The following TTC34 variants were observed in gnomAD, a reference collection of about 807,000 sequenced individuals.
The protein encoded by TTC34 is tetratricopeptide repeat domain 34.
A neutral mutation model predicts 40.7 loss-of-function variants in TTC34; 44 were observed. The observed-to-expected ratio is 1.08, with a 90% confidence interval of 0.85 to 1.39. The LOEUF is 1.39. Among genes scored for constraint, TTC34 ranks in the 40% most tolerant of loss-of-function variants. The pLI, the probability that TTC34 is intolerant of heterozygous loss-of-function variation, is 0.00. For synonymous variants in TTC34, 422 were observed against 398.6 expected (o/e 1.06, Z -0.70); for missense variants, 884 against 838.0 (o/e 1.05, Z -0.68).
intron 6 of TTC34, among the ~76,000 whole-genome samples, chr1:2,752,762 C>G (rs1641365946): frequency 8.2e-6 from 1 of 121,652 alleles, no homozygotes; most frequent in Admixed American, 8.1e-5. Flanking sequence ...CAGCGTGGAA[C>G]AGCACCCATA....
intron 6 of TTC34, among the ~76,000 whole-genome samples, chr1:2,649,337 T>A (rs569730982): frequency 6.6e-6 from 1 of 152,124 alleles, no homozygotes; most frequent in Admixed American, 6.5e-5. Flanking sequence ...CATAAGCATC[T>A]GACAGCCTAG....
chr1:2,652,086 C>A lies in TTC34; in HGVS notation c.2227-6523G>T, dbSNP rs71511353. Among the ~76,000 whole-genome samples, 333 of 78,224 alleles carry A rather than the reference C, an allele frequency of 4.3e-3. 47 individuals carry two copies. Among genetic ancestry groups the A allele is most frequent in the Middle Eastern group, 5.7e-3 (1 of 176 alleles). 51.3% of individuals were successfully genotyped at this position (78,224 alleles called of 152,430 possible). A position where few individuals can be genotyped will look rare whatever the true frequency, so the allele number is the denominator to read the frequency against. ...ACAGCCTGGAGGAGCACCCACACCC[C>A]CAGGTGAGCATCTGACAGACTGGAA... is the stretch of plus-strand genomic sequence containing the variant. On this transcript the variant is annotated intron_variant, in intron 6 of 8. Transcript: ENST00000401095.
chr1:2,753,689 A>C (rs1641404755), intron 6 of TTC34, among the ~76,000 whole-genome samples: 2 of 90,684 alleles, frequency 2.2e-5, no homozygotes, highest in Admixed American at 1.1e-4. Context: ...CTGGAACAGC[A>C]CCCTGCACCC....
Position 2,681,957 on chromosome 1 carries a change from C to T in TTC34, c.2227-36394G>A, listed in dbSNP as rs1168588377. On this transcript the variant is annotated intron_variant, in intron 6 of 8. Coordinates refer to ENST00000401095, the Ensembl canonical transcript of TTC34. ...AACAGCACCAACACCCCAAGGCGAG[C>T]ATCTGACGGCCTGGAACAGCACCCA... 5.9e-5 allele frequency among the ~76,000 whole-genome samples: 7 copies of T among 117,934 alleles called. 1 individual carries two copies. Among genetic ancestry groups the T allele is most frequent in the African/African-American group, 2.3e-4 (7 of 29,968 alleles). The allele number at this position is 117,934 out of a possible 152,430, so 77.4% of individuals were successfully genotyped here. A position where few individuals can be genotyped will look rare whatever the true frequency, so the allele number is the denominator to read the frequency against.
At chr1:2,639,596 G>A (rs1481039382) in exon 9 of TTC34, 2 of 152,478 alleles carry the variant, frequency 1.3e-5, no homozygotes, top group Admixed American at 1.3e-4. Flanking sequence ...TGTTTGTTGA[G>A]TCCTTGAGCA....
chr1:2,747,629 C>G (rs1641195726), intron 6 of TTC34, among the ~76,000 whole-genome samples: 1 of 141,908 alleles, frequency 7.0e-6, no homozygotes, highest in African/African-American at 2.8e-5. Flanking sequence ...TGGAACAGCA[C>G]CCTGCACCCC....
chr1:2,660,152 C>T (rs1255366727), intron 6 of TTC34, among the ~76,000 whole-genome samples: 1 of 85,278 alleles, frequency 1.2e-5, no homozygotes, highest in Admixed American at 1.1e-4. Flanking sequence ...CCCACACCCC[C>T]AGGTGGGCAT....
At chr1:2,787,770 T>C (rs1643611343) in intron 3 of TTC34, 64 bp from the exon 4 acceptor site, 2 of 1,345,958 alleles carry the variant, frequency 1.5e-6, no homozygotes, top group South Asian at 1.5e-5. Flanking sequence ...GCCCAGGTGA[T>C]TGGGCAGTGG....
chr1:2,748,513 A>T (rs1376583217), intron 6 of TTC34, among the ~76,000 whole-genome samples: 9 of 136,956 alleles, frequency 6.6e-5, no homozygotes, highest in African/African-American at 1.1e-4. Flanking sequence ...CTGGAGCAGC[A>T]CCCACACCCT....
exon 9 of TTC34, chr1:2,640,124 CAGG>C (rs1242438944): frequency 1.3e-5 from 2 of 152,430 alleles, no homozygotes; most frequent in East Asian, 1.9e-4. Context: ...TGCAAGTGCC[CAGG>C]AGGAGAGAGA....
At position 2,771,344 on chromosome 1, in the gene TTC34, C is replaced by G. The variant is rs1306797369; in HGVS notation, c.2226+12265G>C. Among the ~76,000 whole-genome samples the G allele has an allele frequency of 2.9e-5, 2 of 69,784 alleles. 1 individual carries two copies. Among genetic ancestry groups the G allele is most frequent in the Non-Finnish European group, 4.9e-5 (2 of 40,416 alleles). The allele number at this position is 69,784 out of a possible 152,430, so 45.8% of individuals were successfully genotyped here. A position where few individuals can be genotyped will look rare whatever the true frequency, so the allele number is the denominator to read the frequency against. ...CACCTCCAGGTGAGCATCTGACAGCCTGGAACAGAATTCTCCAACCACAGG... is the reference window on the plus strand; with the variant it reads ...CACCTCCAGGTGAGCATCTGACAGCGTGGAACAGAATTCTCCAACCACAGG... On this transcript the variant is annotated intron_variant, in intron 6 of 8. Transcript: ENST00000401095.
chr1:2,755,871 CG>C (rs1354160934), intron 6 of TTC34, among the ~76,000 whole-genome samples: 1 of 58,928 alleles, frequency 1.7e-5, no homozygotes, highest in Non-Finnish European at 2.8e-5. Flanking sequence ...CACACTCACG[CG>C]AGCACCTGAC....
intron 6 of TTC34, among the ~76,000 whole-genome samples, chr1:2,685,768 A>G (rs1221880409): frequency 6.7e-6 from 1 of 149,396 alleles, no homozygotes; most frequent in African/African-American, 2.5e-5. Context: ...CCCACAGGTG[A>G]GCATCTGACA....
At chr1:2,789,600 C>A in exon 3 of TTC34, 1 of 1,401,016 alleles carries the variant, frequency 7.1e-7, no homozygotes, top group East Asian at 3.1e-5. Context: ...ATCCCACGGG[C>A]CTCCTCCCGC....
intron 6 of TTC34, among the ~76,000 whole-genome samples, chr1:2,656,054 C>A (rs79014831): frequency 3.4e-5 from 3 of 88,482 alleles, no homozygotes; most frequent in East Asian, 6.9e-4. Context: ...AGCACCCACA[C>A]CCCCAGGTGC....
At chr1:2,751,713 G>A (rs1467008325) in intron 6 of TTC34, among the ~76,000 whole-genome samples, 23 of 151,150 alleles carry the variant, frequency 1.5e-4, no homozygotes, top group African/African-American at 4.6e-4. Context: ...CGACAGCCTG[G>A]AGCAGCACCC....
chr1:2,748,543 C>G (rs1469848936), intron 6 of TTC34, among the ~76,000 whole-genome samples: 1,230 of 33,032 alleles, frequency 0.037, 3 homozygotes, highest in African/African-American at 0.05. Context: ...ATCTGACAGC[C>G]TGGAACAGCA....
At chr1:2,684,573 G>A (rs1349555303) in intron 6 of TTC34, among the ~76,000 whole-genome samples, 1 of 137,152 alleles carries the variant, frequency 7.3e-6, no homozygotes, top group South Asian at 2.2e-4. Context: ...GTGAGCATCC[G>A]ATAGCCTGGA....
chr1:2,798,811 A>C (rs948868136), intron 2 of TTC34, among the ~76,000 whole-genome samples: 22 of 16,832 alleles, frequency 1.3e-3, no homozygotes, highest in Admixed American at 3.7e-3. Context: ...CTCAGCCTTC[A>C]AGCCTCCCAG....
Sources: allele counts gnomAD v4.1 joint callset (sites outside exome capture counted in the v4.1 genomes callset), GRCh38; gene constraint gnomAD v4.1.1; transcripts MANE v1.5; gene names NCBI Gene and HGNC (gene_info 2026-07-23, HGNC 2026-07-21).